The following NOL8 variants were observed in gnomAD, a reference collection of about 807,000 sequenced individuals.
NOL8 encodes nucleolar protein 8.
A neutral mutation model predicts 116.1 loss-of-function variants in NOL8; 93 were observed. The observed-to-expected ratio is 0.80, with a 90% CI of 0.68 to 0.95. NOL8 has a LOEUF of 0.95. NOL8 is among the 40% of genes least tolerant of loss of function. The pLI is 0.00. For missense variants in NOL8, 1,291 were observed against 1,382.8 expected, an observed-to-expected ratio of 0.93 and a Z score of 1.05; for synonymous variants, 419 against 469.0, an observed-to-expected ratio of 0.89 and a Z score of 1.38.
Position 92,315,543 on chromosome 9 carries a change from G to A in NOL8, c.1082C>T (p.Ser361Phe). 2 of 1,611,878 alleles carry A rather than the reference G, an allele frequency of 1.2e-6. No individual in the cohort carries two copies. Among genetic ancestry groups the A allele is most frequent in the East Asian group, 4.5e-5 (2 of 44,844 alleles). ...AATATCATCATCACTATCATGGCAA[G>A]AGACACGATTTTTGATACCTAAACC... is the stretch of plus-strand genomic sequence containing the variant. The part of the protein sequence containing the change: ...LIGLGIKNRV[S>F]CHDSDDDIMR... The change falls in exon 7 of 17, where the codon TCT becomes TTT. Residue 361 changes from serine (S) to phenylalanine (F), a missense_variant. By Grantham distance (155) the Ser-to-Phe change is radical. Transcript: ENST00000442668.
At chr9:92,304,217 C>G (rs1380151927) in intron 12 of NOL8, among the ~76,000 whole-genome samples, 1 of 152,206 alleles carries the variant, frequency 6.6e-6, no homozygotes, top group African/African-American at 2.4e-5. Flanking sequence ...TTCCTAGGCC[C>G]TCAGTCCTAA....
rs906946103 is a variant in NOL8 at position 92,298,238 on chromosome 9, T to C, written c.3453+19A>G. ...AACATGTCTATTTTAGGAAATAATATGGAGAAACAATTACTCACCATACGC... is the reference window on the plus strand; with the variant it reads ...AACATGTCTATTTTAGGAAATAATACGGAGAAACAATTACTCACCATACGC... On this transcript the variant is annotated intron_variant, in intron 16 of 16. Coordinates refer to ENST00000442668, the MANE Select transcript of NOL8 (RefSeq NM_017948.6). 3 of 1,570,504 alleles carry C rather than the reference T, an allele frequency of 1.9e-6. No individual in the cohort carries two copies. The highest frequency in any genetic ancestry group is 2.6e-6 in the Non-Finnish European group (3 of 1,149,750).
chr9:92,320,352 G>C (rs1055938034), intron 4 of NOL8: 9 of 361,168 alleles, frequency 2.5e-5, no homozygotes, highest in Admixed American at 7.1e-5. Context: ...TGGGGCTCTA[G>C]TGCCTGTACA....
rs368198694 is a variant in NOL8 at position 92,312,246 on chromosome 9, G to C, written c.2359-987C>G. 7.9e-5 allele frequency among the ~76,000 whole-genome samples: 12 copies of C among 151,902 alleles called. No homozygotes were observed. The East Asian group carries it at 2.3e-3, about 29-fold the overall frequency. On this transcript the variant is annotated intron_variant, in intron 7 of 16. Coordinates refer to ENST00000442668, the MANE Select transcript of NOL8 (RefSeq NM_017948.6). Reference sequence around the variant, plus strand: ...AAGGCAGGCTGATTGCTTGAGCTTAGGAGTTCAAGACCAGCCTAGGTGACA... The same window carrying C: ...AAGGCAGGCTGATTGCTTGAGCTTACGAGTTCAAGACCAGCCTAGGTGACA...
chr9:92,314,692 G>A lies in NOL8; in HGVS notation c.1933C>T (p.Gln645Ter). ...KANGPNYIQP[Q>*]KRQTTFESQD... ...CTTTCAAAAGTGGTCTGTCTTTTTT[G>A]AGGCTGAATATAGTTTGGGCCATTC... The change falls in exon 7 of 17, where the codon CAA becomes TAA. Residue 645 changes from glutamine (Q) to a stop codon, truncating the protein, a stop_gained. Transcript: ENST00000442668. LOFTEE classifies it high-confidence loss of function. The A allele has an allele frequency of 6.2e-7, 1 of 1,613,686 alleles. No homozygotes were observed. The highest frequency in any genetic ancestry group is 8.5e-7 in the Non-Finnish European group (1 of 1,179,784).
chr9:92,322,236 A>G (rs1444502050), intron 3 of NOL8, among the ~76,000 whole-genome samples: 1 of 152,222 alleles, frequency 6.6e-6, no homozygotes, highest in African/African-American at 2.4e-5. Flanking sequence ...AGATGAATTA[A>G]CTATGAGTGA....
At chr9:92,311,299 T>C (rs781376774) in intron 7 of NOL8, 40 bp from the exon 8 acceptor site, 2 of 1,481,630 alleles carry the variant, frequency 1.3e-6, no homozygotes, top group East Asian at 4.6e-5. Flanking sequence ...TAAAAAGATT[T>C]ATGATGAAGA....
chr9:92,298,312 ACTC>A lies in NOL8; in HGVS notation c.3395_3397del (p.Gly1132del). 6.2e-7 allele frequency: 1 copy of A among 1,608,014 alleles called. No homozygotes were observed. On this transcript the variant is annotated inframe_deletion, in exon 16 of 17. Transcript: ENST00000442668. ...AGAGTTCCTGCTCATATTACTTCCTACTCCTCTCCAGAATAAGTCAGAACCTAT... is the reference window on the plus strand; with the variant it reads ...AGAGTTCCTGCTCATATTACTTCCTACTCTCCAGAATAAGTCAGAACCTAT...
chr9:92,310,400 CCAAT>C, intron 9 of NOL8, 139 bp from the exon 10 acceptor site: 1 of 1,164,398 alleles, frequency 8.6e-7, no homozygotes, highest in Non-Finnish European at 1.2e-6. Flanking sequence ...TACTTATGAA[CCAAT>C]CAGAGAGGAT....
intron 6 of NOL8, among the ~76,000 whole-genome samples, chr9:92,316,841 A>C (rs147296985): frequency 6.6e-6 from 1 of 152,110 alleles, no homozygotes; most frequent in East Asian, 1.9e-4. Flanking sequence ...TACCAGGCCT[A>C]TGTCGACACT....
At chr9:92,320,795 C>T (rs1217383666) in intron 4 of NOL8, among the ~76,000 whole-genome samples, 5 of 152,006 alleles carry the variant, frequency 3.3e-5, no homozygotes, top group East Asian at 3.9e-4. Flanking sequence ...TTAGTAGAGA[C>T]GGGGTTTCAC....
At chr9:92,309,533 T>C (rs1838574461) in intron 10 of NOL8, among the ~76,000 whole-genome samples, 1 of 151,732 alleles carries the variant, frequency 6.6e-6, no homozygotes, top group Non-Finnish European at 1.5e-5. Flanking sequence ...AGTTCTGAGA[T>C]TAGGAGAGGG....
intron 6 of NOL8, among the ~76,000 whole-genome samples, chr9:92,317,244 G>A (rs1205689126): frequency 6.6e-6 from 1 of 152,208 alleles, no homozygotes; most frequent in African/African-American, 2.4e-5. Context: ...ACAGGTGTGA[G>A]CCACTGCACC....
At position 92,298,165 on chromosome 9, in the gene NOL8, C is replaced by T. The variant is rs147202001; in HGVS notation, c.3453+92G>A. On this transcript the variant is annotated intron_variant, in intron 16 of 16. Transcript: ENST00000442668. ...ATTGAGCCAGTCTGCAGTCTCCTCA[C>T]CTATACCATTCATGAGTTCCCTTCC... 3 of 965,276 alleles carry T rather than the reference C, an allele frequency of 3.1e-6. No homozygotes were observed. In the East Asian group the frequency reaches 7.8e-5, roughly 25 times the overall value. The allele number at this position is 965,276 out of a possible 1,614,324, so 59.8% of individuals were successfully genotyped here. A position where few individuals can be genotyped will look rare whatever the true frequency, so the allele number is the denominator to read the frequency against.
In NOL8 at chr9:92,316,063, T is replaced by C. The variant is rs1435871295; in HGVS notation, c.562A>G (p.Ile188Val). ...IGEDFSNTIP[I>V]SSLTWELEGG... is the part of the protein sequence containing the mutation. ...TCTAATTCCCAAGTCAGGCTGGATA[T>C]AGGAATGGTGTTTGAGAAATCCTCC... Residue 188 changes from isoleucine (I) to valine (V), a missense_variant, in exon 7 of 17, where the codon ATA becomes GTA. Coordinates refer to ENST00000442668, the MANE Select transcript of NOL8 (RefSeq NM_017948.6). The C allele has an allele frequency of 1.6e-5, 26 of 1,613,968 alleles. No individual in the cohort carries two copies. Among genetic ancestry groups the C allele is most frequent in the Non-Finnish European group, 2.0e-5 (24 of 1,179,862 alleles).
chr9:92,308,596 C>T (rs1305859722), intron 10 of NOL8, among the ~76,000 whole-genome samples: 1 of 152,118 alleles, frequency 6.6e-6, no homozygotes, highest in Non-Finnish European at 1.5e-5. Flanking sequence ...TACTCATGTG[C>T]AAGTGAAGGC....
At chr9:92,316,992 A>G (rs979895734) in intron 6 of NOL8, among the ~76,000 whole-genome samples, 2 of 152,076 alleles carry the variant, frequency 1.3e-5, no homozygotes, top group African/African-American at 4.8e-5. Context: ...TTTCACTGCT[A>G]CCCAGGCTGG....
chr9:92,298,967 G>T lies in NOL8; in HGVS notation c.3303-13C>A. 1 of 1,463,174 alleles carries T rather than the reference G, an allele frequency of 6.8e-7. No individual in the cohort carries two copies. The allele number at this position is 1,463,174 out of a possible 1,614,324, so 90.6% of individuals were successfully genotyped here. ...TAATGATGCTTCTCTGAAAAGAAAG[G>T]GACAAAGGAGAGAGAAAAATAGGTA... On this transcript the variant is annotated splice_polypyrimidine_tract_variant and intron_variant, in intron 14 of 16. Transcript: ENST00000442668.
chr9:92,315,081 G>A lies in NOL8; in HGVS notation c.1544C>T (p.Thr515Ile). Residue 515 changes from threonine (T) to isoleucine (I), a missense_variant, in exon 7 of 17, where the codon ACC (threonine) becomes ATC (isoleucine). Coordinates refer to ENST00000442668, the MANE Select transcript of NOL8 (RefSeq NM_017948.6). ...DTKSDGPETTTQCKFDRGSKS... is the reference protein window; with the variant it reads ...DTKSDGPETTIQCKFDRGSKS... ...GGAGCCTCTGTCAAACTTGCATTGG[G>A]TGGTGGTTTCTGGTCCATCACTCTT... 6.2e-7 allele frequency: 1 copy of A among 1,614,012 alleles called. No homozygotes were observed. Among genetic ancestry groups the A allele is most frequent in the Non-Finnish European group, 8.5e-7 (1 of 1,179,902 alleles).
Sources: allele counts gnomAD v4.1 joint callset (sites outside exome capture counted in the v4.1 genomes callset), GRCh38; gene constraint gnomAD v4.1.1; transcripts MANE v1.5; gene names NCBI Gene and HGNC (gene_info 2026-07-23, HGNC 2026-07-21).